Variants in FHIT observed in about 807,000 individuals in gnomAD.
FHIT encodes the protein bis(5'-adenosyl)-triphosphatase.
Under a neutral mutation model 17.9 loss-of-function variants are expected in FHIT, and 19 were observed. The ratio of observed to expected loss-of-function variants is 1.06; its 90% CI spans 0.74 to 1.56. The LOEUF (loss-of-function observed/expected upper bound fraction) is 1.56. Among genes scored for constraint, FHIT ranks in the 40% most tolerant of loss-of-function variants. The probability of loss-of-function intolerance (pLI) is 0.00; values close to 1 mark genes in which losing one functional copy is unlikely to be tolerated. For missense variants in FHIT, 248 were observed against 189.2 expected, an observed-to-expected ratio of 1.31 and a Z score of -1.82; for synonymous variants, 81 against 69.7, an observed-to-expected ratio of 1.16 and a Z score of -0.81.
intron 4 of FHIT, among the ~76,000 whole-genome samples, chr3:60,744,913 G>C (rs983717771): frequency 1.3e-5 from 2 of 152,126 alleles, no homozygotes; most frequent in African/African-American, 4.8e-5. Context: ...GAGTGACGGG[G>C]ATATCAAGGT....
intron 7 of FHIT, among the ~76,000 whole-genome samples, chr3:60,009,035 C>A (rs1463626267): frequency 6.6e-6 from 1 of 152,118 alleles, no homozygotes; most frequent in Non-Finnish European, 1.5e-5. Context: ...TTGTTGTTAA[C>A]TGATACCAAA....
intron 5 of FHIT, among the ~76,000 whole-genome samples, chr3:60,310,168 G>T (rs1708877469): frequency 6.6e-6 from 1 of 152,080 alleles, no homozygotes; most frequent in African/African-American, 2.4e-5. Context: ...AAACCAAAAT[G>T]GATTTCATGG....
intron 2 of FHIT, among the ~76,000 whole-genome samples, chr3:61,186,773 G>T (rs1439170159): frequency 6.6e-6 from 1 of 152,002 alleles, no homozygotes; most frequent in South Asian, 2.1e-4. Flanking sequence ...CTTTTGTATT[G>T]GTTCTTGAAA....
chr3:60,031,584 C>T (rs971598467), intron 5 of FHIT, among the ~76,000 whole-genome samples: 5 of 152,152 alleles, frequency 3.3e-5, no homozygotes, highest in Admixed American at 3.3e-4. Flanking sequence ...TATTTATTCT[C>T]ATGGAACTGC....
At chr3:60,085,441 C>G (rs1379207258) in intron 5 of FHIT, among the ~76,000 whole-genome samples, 2 of 152,146 alleles carry the variant, frequency 1.3e-5, no homozygotes, top group Non-Finnish European at 2.9e-5. Context: ...GCATCACTAA[C>G]TGATGCATGT....
rs75557307 is a variant in FHIT, at chr3:60,328,509, A to G, written c.103+208351T>C. Among the ~76,000 whole-genome samples the G allele has an allele frequency of 4.0e-3, 605 of 152,208 alleles. 5 individuals carry two copies. The highest frequency in any genetic ancestry group is 0.013 in the African/African-American group (549 of 41,534). ...TTATAAAACCATTGGATCTTGTGAG[A>G]CTTACTAACTAACAGGAGAACAGCA... On this transcript the variant is annotated intron_variant, in intron 5 of 9. Coordinates refer to ENST00000492590, the MANE Select transcript of FHIT (RefSeq NM_002012.4).
intron 1 of FHIT, among the ~76,000 whole-genome samples, chr3:61,230,096 T>A (rs1053199789): frequency 1.3e-5 from 2 of 152,242 alleles, no homozygotes; most frequent in Non-Finnish European, 2.9e-5. Context: ...ATTCTGATCA[T>A]GTCTTAGTAT....
intron 5 of FHIT, among the ~76,000 whole-genome samples, chr3:60,424,546 G>A (rs996328737): frequency 6.6e-6 from 1 of 152,028 alleles, no homozygotes; most frequent in Non-Finnish European, 1.5e-5. Flanking sequence ...ACAATCTCTT[G>A]TGCTCTGATG....
chr3:60,475,209 A>G (rs1000477573), intron 5 of FHIT, among the ~76,000 whole-genome samples: 2 of 152,078 alleles, frequency 1.3e-5, no homozygotes, highest in Non-Finnish European at 2.9e-5. Flanking sequence ...TCTTCACTAC[A>G]TTTCTATAAA....
intron 7 of FHIT, among the ~76,000 whole-genome samples, chr3:59,932,234 G>A (rs140339826): frequency 1.6e-4 from 24 of 152,164 alleles, no homozygotes; most frequent in African/African-American, 5.3e-4. Context: ...ATAAAATGCT[G>A]TGATAGGCAC....
chr3:60,077,094 C>A (rs756322892), intron 5 of FHIT, among the ~76,000 whole-genome samples: 1 of 151,794 alleles, frequency 6.6e-6, no homozygotes, highest in African/African-American at 2.4e-5. Context: ...ACAAAGCAAT[C>A]AAAAGAGAAG....
chr3:60,772,424 T>A lies in FHIT; in HGVS notation c.-18+49495A>T, dbSNP rs1700077178. Among the ~76,000 whole-genome samples the A allele has an allele frequency of 2.7e-5, 4 of 150,116 alleles. 1 individual carries two copies. The South Asian group carries it at 8.4e-4, about 32-fold the overall frequency. ...ACTAACCAGAATACGAATACCAAGT[T>A]ACCTGTGTGGTTTCATGGAAAAATA... On this transcript the variant is annotated intron_variant, in intron 4 of 9. Coordinates refer to ENST00000492590, the MANE Select transcript of FHIT (RefSeq NM_002012.4).
At chr3:61,142,627 C>T (rs945867009) in intron 2 of FHIT, among the ~76,000 whole-genome samples, 2 of 151,936 alleles carry the variant, frequency 1.3e-5, no homozygotes, top group Non-Finnish European at 2.9e-5. Flanking sequence ...TAAAAGTGAT[C>T]ATTACAAAAA....
At chr3:60,601,502 A>G (rs2038444915) in intron 4 of FHIT, among the ~76,000 whole-genome samples, 1 of 152,184 alleles carries the variant, frequency 6.6e-6, no homozygotes, top group Non-Finnish European at 1.5e-5. Context: ...TAGGGAAGAC[A>G]AACTAGTGTC....
intron 3 of FHIT, among the ~76,000 whole-genome samples, chr3:60,883,976 T>G (rs1705093141): frequency 6.6e-6 from 1 of 152,184 alleles, no homozygotes; most frequent in South Asian, 2.1e-4. Context: ...GACAAGGGAT[T>G]AATAACCAAA....
chr3:61,096,181 C>A (rs932945490), intron 2 of FHIT, among the ~76,000 whole-genome samples: 2 of 152,156 alleles, frequency 1.3e-5, no homozygotes, highest in Non-Finnish European at 2.9e-5. Context: ...CTAAATGATG[C>A]TGTGCAAGGA....
chr3:59,935,157 C>A (rs1404154854), intron 7 of FHIT, among the ~76,000 whole-genome samples: 3 of 152,138 alleles, frequency 2.0e-5, no homozygotes, highest in African/African-American at 7.2e-5. Context: ...GTTCTGCTTG[C>A]TGCTGGGTGG....
chr3:61,179,738 C>T (rs987679647), intron 2 of FHIT, among the ~76,000 whole-genome samples: 1 of 145,464 alleles, frequency 6.9e-6, no homozygotes, highest in Non-Finnish European at 1.5e-5. Context: ...AAAAAACCAC[C>T]CAAAAACACA....
At chr3:60,587,156 G>T (rs532770375) in intron 4 of FHIT, among the ~76,000 whole-genome samples, 3 of 151,876 alleles carry the variant, frequency 2.0e-5, no homozygotes, top group Non-Finnish European at 2.9e-5. Flanking sequence ...TATACACCAC[G>T]GAATACTATG....
Sources: allele counts gnomAD v4.1 joint callset (sites outside exome capture counted in the v4.1 genomes callset), GRCh38; gene constraint gnomAD v4.1.1; transcripts MANE v1.5; gene names NCBI Gene and HGNC (gene_info 2026-07-23, HGNC 2026-07-21).